The following CREB5 variants were observed in gnomAD, a reference collection of about 807,000 sequenced individuals.
CREB5 encodes cAMP responsive element binding protein 5.
CREB5 carries 19 observed loss-of-function variants against 57.1 expected under a neutral mutation model. The ratio of observed to expected loss-of-function variants is 0.33; its 90% CI spans 0.23 to 0.49. The LOEUF (loss-of-function observed/expected upper bound fraction) is 0.49. Ranked by LOEUF, CREB5 falls within the 20% of genes least tolerant of loss-of-function variation. The pLI is 0.99. For synonymous variants in CREB5, 238 were observed against 238.3 expected (o/e 1.00, Z 0.01); for missense variants, 579 against 671.6 (o/e 0.86, Z 1.52).
chr7:28,579,992 A>G (rs1362774847), intron 5 of CREB5, among the ~76,000 whole-genome samples: 1 of 152,150 alleles, frequency 6.6e-6, no homozygotes, highest in Admixed American at 6.5e-5. Flanking sequence ...AAGGTACTAG[A>G]TTAAAGAGAA....
intron 1 of CREB5, among the ~76,000 whole-genome samples, chr7:28,413,556 G>A (rs1343168399): frequency 6.6e-6 from 1 of 152,000 alleles, no homozygotes; most frequent in Non-Finnish European, 1.5e-5. Flanking sequence ...TTAACTCATA[G>A]TAAACATATT....
chr7:28,538,685 G>A (rs182124086), intron 4 of CREB5, among the ~76,000 whole-genome samples: 3 of 152,048 alleles, frequency 2.0e-5, no homozygotes, highest in Non-Finnish European at 2.9e-5. Flanking sequence ...TGGATACTTC[G>A]ATCATTGATT....
At chr7:28,812,490 A>C (rs1300414850) in intron 9 of CREB5, among the ~76,000 whole-genome samples, 1 of 152,200 alleles carries the variant, frequency 6.6e-6, no homozygotes, top group Non-Finnish European at 1.5e-5. Context: ...CTAAGGAAAA[A>C]AAGAAACTAG....
rs148727327 is a variant in CREB5 at position 28,699,886 on chromosome 7, C to T, written c.465-18867C>T. Among the ~76,000 whole-genome samples the T allele has an allele frequency of 5.7e-3, 862 of 152,224 alleles. 4 individuals are homozygous for T. The highest frequency in any genetic ancestry group is 0.02 in the African/African-American group (814 of 41,532). Reference sequence around the variant, plus strand: ...CAAATGTCTCTCTCTAATGCAAAAACGACCAAAGTGTGCAGAACAGTCTAT... The same window carrying T: ...CAAATGTCTCTCTCTAATGCAAAAATGACCAAAGTGTGCAGAACAGTCTAT... On this transcript the variant is annotated intron_variant, in intron 5 of 10. Coordinates refer to ENST00000357727, the MANE Select transcript of CREB5 (RefSeq NM_182898.4).
intron 1 of CREB5, among the ~76,000 whole-genome samples, chr7:28,461,150 G>T (rs1790336162): frequency 6.6e-6 from 1 of 151,798 alleles, no homozygotes; most frequent in East Asian, 1.9e-4. Flanking sequence ...TTGGGTCCAG[G>T]GGTTCAAGGC....
chr7:28,577,197 T>C (rs1795940519), intron 5 of CREB5, among the ~76,000 whole-genome samples: 1 of 152,218 alleles, frequency 6.6e-6, no homozygotes, highest in Admixed American at 6.5e-5. Context: ...GGTTAGCCAA[T>C]TAATTGAGTC....
chr7:28,712,184 T>G (rs1802427926), intron 5 of CREB5, among the ~76,000 whole-genome samples: 1 of 152,124 alleles, frequency 6.6e-6, no homozygotes. Flanking sequence ...GCTAAGTATA[T>G]TGTCTTTCTG....
At chr7:28,324,606 A>C (rs1785550197) in intron 1 of CREB5, among the ~76,000 whole-genome samples, 1 of 152,048 alleles carries the variant, frequency 6.6e-6, no homozygotes, top group African/African-American at 2.4e-5. Context: ...CACGTTCCTG[A>C]GCCCTCTTCT....
intron 1 of CREB5, among the ~76,000 whole-genome samples, chr7:28,393,911 C>T (rs1339219023): frequency 2.0e-5 from 3 of 151,648 alleles, no homozygotes; most frequent in African/African-American, 7.3e-5. Context: ...CTCATCTCTA[C>T]CAAAAATACT....
chr7:28,570,776 A>T (rs1795669771), intron 5 of CREB5, among the ~76,000 whole-genome samples: 1 of 151,944 alleles, frequency 6.6e-6, no homozygotes, highest in Non-Finnish European at 1.5e-5. Context: ...CTGTGTCATC[A>T]TTTCTTCAGA....
At chr7:28,809,460 C>A (rs1360184472) in intron 9 of CREB5, 46 bp downstream of exon 9, 2 of 1,522,798 alleles carry the variant, frequency 1.3e-6, no homozygotes, top group African/African-American at 1.4e-5. Context: ...GCCCTCTGCT[C>A]CACGGGCATT....
chr7:28,465,160 A>G (rs1240672081), intron 1 of CREB5, among the ~76,000 whole-genome samples: 2 of 152,232 alleles, frequency 1.3e-5, no homozygotes, highest in African/African-American at 4.8e-5. Flanking sequence ...GGTGAGCTCT[A>G]GGGACCATGA....
chr7:28,582,508 T>C (rs1391720453), intron 5 of CREB5, among the ~76,000 whole-genome samples: 14 of 152,202 alleles, frequency 9.2e-5, no homozygotes. Context: ...GTTTTCAAGG[T>C]GTTTCCATGA....
rs1023247734 is a variant in CREB5 at position 28,824,855 on chromosome 7, T to A, written c.*5576T>A. 6.5e-6 allele frequency: 1 copy of A among 152,796 alleles called. No individual in the cohort carries two copies. The allele number at this position is 152,796 out of a possible 1,614,324, so 9.5% of individuals were successfully genotyped here. On this transcript the variant is annotated 3_prime_UTR_variant, in exon 11 of 11. Coordinates refer to ENST00000357727, the MANE Select transcript of CREB5 (RefSeq NM_182898.4). ...AAAGATTAATACTCTTAAGTGGCAC[T>A]CTGATACCTTTCCAACTTGTCATCA...
At chr7:28,560,879 C>CGTGCGT (rs1554344366) in intron 4 of CREB5, among the ~76,000 whole-genome samples, 735 of 22,014 alleles carry the variant, frequency 0.033, 67 homozygotes, top group African/African-American at 0.079. Context: ...CGTGCGCGTG[C>CGTGCGT]GTGCGTGCGT....
At position 28,804,359 on chromosome 7, in the gene CREB5, A is replaced by C; in HGVS notation, c.863A>C (p.His288Pro). The change falls in exon 8 of 11, where the codon CAC (histidine) becomes CCC (proline). Residue 288 changes from histidine (H) to proline (P), a missense_variant. This residue lies in a region of CREB5 where 459 missense variants were observed against 515.7 expected (regional missense o/e 0.89). Coordinates refer to ENST00000357727, the MANE Select transcript of CREB5 (RefSeq NM_182898.4). Reference protein sequence around the residue: ...PHQHQTLPPHHPYPHQHQHPA... With the variant: ...PHQHQTLPPHPPYPHQHQHPA... ...CAGCACCAGACACTGCCACCCCATC[A>C]CCCTTACCCACACCAGCACCAGCAC... 1.2e-6 allele frequency: 2 copies of C among 1,613,252 alleles called. No individual in the cohort carries two copies. Among genetic ancestry groups the C allele is most frequent in the Non-Finnish European group, 1.7e-6 (2 of 1,179,660 alleles).
intron 7 of CREB5, among the ~76,000 whole-genome samples, chr7:28,803,955 C>G (rs1033258442): frequency 1.3e-5 from 2 of 151,974 alleles, no homozygotes; most frequent in Non-Finnish European, 2.9e-5. Flanking sequence ...TGCCCATTGG[C>G]TTTGACAGTT....
In CREB5 at chr7:28,560,897, CGTGCGCGCGTGCGT is replaced by C. The variant is rs1562797622; in HGVS notation, c.292-9462_292-9449del. ...GCGCGTGCGTGCGTGCGTGTGTGTG[CGTGCGCGCGTGCGT>C]GTGCGTGTGTGCGCGTGCGTGTGTG... On this transcript the variant is annotated intron_variant, in intron 4 of 10. Transcript: ENST00000357727. 9.0e-3 allele frequency among the ~76,000 whole-genome samples: 202 copies of C among 22,502 alleles called. 14 individuals carry two copies. The highest frequency in any genetic ancestry group is 0.026 in the South Asian group (11 of 428). 14.8% of individuals were successfully genotyped at this position (22,502 alleles called of 152,430 possible). A position where few individuals can be genotyped will look rare whatever the true frequency, so the allele number is the denominator to read the frequency against.
Position 28,594,563 on chromosome 7 carries a change from T to C in CREB5, c.464+24026T>C, listed in dbSNP as rs1263597903. Among the ~76,000 whole-genome samples the C allele has an allele frequency of 3.3e-5, 5 of 152,324 alleles. No individual in the cohort carries two copies. The South Asian group carries it at 8.3e-4, about 25-fold the overall frequency. On this transcript the variant is annotated intron_variant, in intron 5 of 10. Coordinates refer to ENST00000357727, the MANE Select transcript of CREB5 (RefSeq NM_182898.4). ...GCTGACTCTGGCTCATTCTGCAGCA[T>C]GCCTGTGTGACTTTAACATGTCAAT...
Sources: gnomAD v4.1 joint callset for allele counts (sites outside exome capture counted in the v4.1 genomes callset) on GRCh38, gnomAD v4.1.1 for gene constraint, gnomAD v4.1.1 regional missense constraint, MANE v1.5 for transcripts, NCBI Gene and HGNC (gene_info 2026-07-23, HGNC 2026-07-21) for gene names.